CTNNA2: variants seen among roughly 807,000 people sequenced by gnomAD.
CTNNA2 encodes the protein catenin alpha-2.
In CTNNA2, 42 loss-of-function variants were observed where a neutral mutation model predicts 101.0. The ratio of observed to expected loss-of-function variants is 0.42; its 90% confidence interval spans 0.32 to 0.54. The LOEUF (loss-of-function observed/expected upper bound fraction) is 0.54, where lower values mean the gene tolerates loss of function less well. Ranked by LOEUF, CTNNA2 falls within the 20% of genes least tolerant of loss-of-function variation. The probability of loss-of-function intolerance (pLI) is 0.14; values close to 1 mark genes in which losing one functional copy is unlikely to be tolerated. For synonymous variants in CTNNA2, 450 were observed against 456.4 expected (o/e 0.99, Z 0.18); for missense variants, 871 against 1,223.1 (o/e 0.71, Z 4.29).
At chr2:79,897,265 GA>G (rs1421264884) in intron 6 of CTNNA2, among the ~76,000 whole-genome samples, 1 of 151,506 alleles carries the variant, frequency 6.6e-6, no homozygotes, top group South Asian at 2.1e-4. Context: ...TTGAAGGTTT[GA>G]GGCCAGTGGG....
chr2:79,545,109 C>A (rs1021779483), intron 1 of CTNNA2, among the ~76,000 whole-genome samples: 5 of 152,122 alleles, frequency 3.3e-5, no homozygotes, highest in African/African-American at 1.2e-4. Context: ...GTTGTCAGCC[C>A]CCTTACTCAC....
chr2:79,684,462 A>G (rs983433309), intron 2 of CTNNA2, among the ~76,000 whole-genome samples: 2 of 152,222 alleles, frequency 1.3e-5, no homozygotes. Context: ...ACGTGAATCA[A>G]AACTGATGAT....
intron 1 of CTNNA2, chr2:79,185,543 A>G (rs1673766658): frequency 1.3e-5 from 2 of 152,230 alleles, no homozygotes. Context: ...ATGAGGATAG[A>G]GAGTAAATAT....
chr2:80,221,896 A>C (rs1708597498), intron 7 of CTNNA2, among the ~76,000 whole-genome samples: 2 of 152,202 alleles, frequency 1.3e-5, no homozygotes, highest in African/African-American at 4.8e-5. Flanking sequence ...ATGCAGGTTT[A>C]ATTGCCTCCA....
chr2:80,568,305 C>T (rs773345397), intron 12 of CTNNA2, among the ~76,000 whole-genome samples: 28 of 152,186 alleles, frequency 1.8e-4, no homozygotes, highest in Admixed American at 3.3e-4. Context: ...TGATGCTACT[C>T]ACTTTGTCCG....
At chr2:79,909,550 C>G (rs748566788) in intron 6 of CTNNA2, 44 bp from the exon 7 acceptor site, 18 of 1,526,006 alleles carry the variant, frequency 1.2e-5, no homozygotes, top group Admixed American at 9.0e-5. Context: ...AGGCAGACCT[C>G]TCTTCTCTGC....
At chr2:80,368,211 G>T (rs1025953287) in intron 7 of CTNNA2, among the ~76,000 whole-genome samples, 2 of 152,028 alleles carry the variant, frequency 1.3e-5, no homozygotes, top group Admixed American at 6.6e-5. Flanking sequence ...ACCATTTTTA[G>T]ACTTTCAGCA....
At chr2:79,483,340 A>C (rs1671127788) in intron 4 of CTNNA2, among the ~76,000 whole-genome samples, 1 of 152,188 alleles carries the variant, frequency 6.6e-6, no homozygotes. Flanking sequence ...GTGTCTTAAA[A>C]CTATGCAGAC....
At chr2:79,450,413 T>G (rs556677044) in intron 4 of CTNNA2, among the ~76,000 whole-genome samples, 65 of 152,142 alleles carry the variant, frequency 4.3e-4, no homozygotes, top group African/African-American at 1.5e-3. Flanking sequence ...TATGTCAAAC[T>G]TTGTAAGTGT....
At chr2:79,712,497 A>G (rs1239387593) in intron 2 of CTNNA2, among the ~76,000 whole-genome samples, 1 of 152,184 alleles carries the variant, frequency 6.6e-6, no homozygotes, top group Admixed American at 6.5e-5. Context: ...TCCTACATCA[A>G]TTAATATTAT....
At chr2:79,801,593 C>G (rs1019772315) in intron 3 of CTNNA2, among the ~76,000 whole-genome samples, 1 of 152,044 alleles carries the variant, frequency 6.6e-6, no homozygotes, top group Admixed American at 6.5e-5. Context: ...CGGGGGCTCA[C>G]AGACCCACTC....
At position 80,003,877 on chromosome 2, in the gene CTNNA2, G is replaced by T. The variant is rs1214444431; in HGVS notation, c.1056+94080G>T. Among the ~76,000 whole-genome samples the T allele has an allele frequency of 2.0e-5, 3 of 152,176 alleles. No homozygotes were observed. The South Asian group carries it at 6.2e-4, about 32-fold the overall frequency. ...ACTCCATTCAATAGATCCCTAGGAT[G>T]CCAGGAAAGTCCCAGGAGGGCAGCT... On this transcript the variant is annotated intron_variant, in intron 7 of 18. Coordinates refer to ENST00000402739, the MANE Select transcript of CTNNA2 (RefSeq NM_001282597.3).
chr2:80,507,990 C>A (rs1688406452), intron 9 of CTNNA2, among the ~76,000 whole-genome samples: 1 of 152,134 alleles, frequency 6.6e-6, no homozygotes, highest in South Asian at 2.1e-4. Context: ...TGGAGAGGCC[C>A]AGACCTGGGA....
At chr2:79,286,901 A>G (rs1038003355) in intron 2 of CTNNA2, among the ~76,000 whole-genome samples, 12 of 152,134 alleles carry the variant, frequency 7.9e-5, no homozygotes, top group Non-Finnish European at 1.2e-4. Flanking sequence ...CCAATCAGAC[A>G]TAGATTTGGT....
At chr2:79,269,823 A>G (rs746822063) in intron 2 of CTNNA2, among the ~76,000 whole-genome samples, 18 of 152,006 alleles carry the variant, frequency 1.2e-4, no homozygotes, top group Non-Finnish European at 2.1e-4. Flanking sequence ...TCTTCATACT[A>G]ACTTCCCCTG....
intron 7 of CTNNA2, among the ~76,000 whole-genome samples, chr2:80,007,549 G>A (rs1279419456): frequency 6.6e-6 from 1 of 152,112 alleles, no homozygotes; most frequent in Non-Finnish European, 1.5e-5. Flanking sequence ...TGTTTGGTGG[G>A]TGGTGCTGAG....
chr2:80,135,307 G>T (rs1177529553), intron 7 of CTNNA2, among the ~76,000 whole-genome samples: 2 of 152,238 alleles, frequency 1.3e-5, no homozygotes, highest in African/African-American at 4.8e-5. Flanking sequence ...CAAGGAGACA[G>T]ATGTCAGCGG....
chr2:79,923,184 T>C (rs1686791170), intron 7 of CTNNA2, among the ~76,000 whole-genome samples: 1 of 152,122 alleles, frequency 6.6e-6, no homozygotes, highest in Non-Finnish European at 1.5e-5. Flanking sequence ...GAAAATCGTA[T>C]ATTTTTCAAG....
chr2:79,515,098 A>G (rs921719894), intron 1 of CTNNA2, among the ~76,000 whole-genome samples: 4 of 152,154 alleles, frequency 2.6e-5, no homozygotes, highest in African/African-American at 4.8e-5. Context: ...TCAACTCCCC[A>G]TGGTAGGAAT....
Sources: gnomAD v4.1 joint callset for allele counts (sites outside exome capture counted in the v4.1 genomes callset) on GRCh38, gnomAD v4.1.1 for gene constraint, MANE v1.5 for transcripts, NCBI Gene and HGNC (gene_info 2026-07-23, HGNC 2026-07-21) for gene names.